Variants in SLC16A6 observed in about 807,000 individuals in gnomAD.
The protein encoded by SLC16A6 is solute carrier family 16 member 6.
A neutral mutation model predicts 33.8 loss-of-function variants in SLC16A6; 15 were observed. The ratio of observed to expected loss-of-function variants is 0.44; its 90% confidence interval spans 0.30 to 0.68. The LOEUF is 0.68. SLC16A6 is among the 30% of genes least tolerant of loss of function. The pLI is 0.10. For synonymous variants in SLC16A6, 219 were observed against 248.4 expected (o/e 0.88, Z 1.11); for missense variants, 451 against 661.5 (o/e 0.68, Z 3.49).
chr17:68,282,282 C>T (rs1282367789), intron 1 of SLC16A6, among the ~76,000 whole-genome samples: 4 of 151,392 alleles, frequency 2.6e-5, no homozygotes, highest in African/African-American at 9.7e-5. Context: ...CGTTCTCACT[C>T]ATAGGTGGGA....
chr17:68,275,346 T>C (rs2145015060), intron 2 of SLC16A6, among the ~76,000 whole-genome samples: 1 of 152,280 alleles, frequency 6.6e-6, no homozygotes, highest in South Asian at 2.1e-4. Flanking sequence ...AAAAAAGGAT[T>C]CCATTTTTTT....
intron 1 of SLC16A6, among the ~76,000 whole-genome samples, chr17:68,287,526 T>C (rs1375041335): frequency 6.6e-6 from 1 of 152,194 alleles, no homozygotes; most frequent in Non-Finnish European, 1.5e-5. Flanking sequence ...CCTTAGTTTT[T>C]TTAAAAAACT....
Position 68,271,484 on chromosome 17 carries a change from G to C in SLC16A6, c.676C>G (p.Leu226Val), listed in dbSNP as rs1168203877. 1 of 1,614,152 alleles carries C rather than the reference G, an allele frequency of 6.2e-7. No individual in the cohort carries two copies. The highest frequency in any genetic ancestry group is 1.7e-5 in the Admixed American group (1 of 60,026). Residue 226 changes from leucine (L) to valine (V), a missense_variant, in exon 5 of 6, where the codon CTT becomes GTT. By Grantham distance (32) the Leu-to-Val change is conservative (BLOSUM62 1). Coordinates refer to ENST00000580666, the MANE Select transcript of SLC16A6 (RefSeq NM_004694.5). The surrounding 1 kb of genome is among the most constrained non-coding windows in gnomAD (Gnocchi z 5.3). ...GAGGTTCGTGTTTTCTCATTTTCAA[G>C]CATATACTGCGCTTCTTTCCGATTT... ...QENRKEAQYM[L>V]ENEKTRTSID...
In SLC16A6 at chr17:68,271,398, G is replaced by C. The variant is rs782735791; in HGVS notation, c.762C>G (p.His254Gln). The change falls in exon 5 of 6, where the codon CAC becomes CAG. Residue 254 changes from histidine to glutamine, a missense_variant. His to Gln is a conservative substitution (Grantham distance 24). Transcript: ENST00000580666. This position sits in a 1 kb window ranked among gnomAD's most constrained non-coding sequence, Gnocchi z 5.3. Reference protein sequence around the residue: ...LTTSPKNVPTHTNLELEPKAD... With the variant: ...LTTSPKNVPTQTNLELEPKAD... ...CCTTCGGCTCCAGTTCCAGGTTAGT[G>C]TGAGTAGGCACATTTTTAGGTGAGG... is the stretch of plus-strand genomic sequence containing the variant. The C allele has an allele frequency of 1.6e-5, 26 of 1,614,152 alleles. No homozygotes were observed. In the South Asian group the frequency reaches 2.9e-4, roughly 18 times the overall value.
intron 2 of SLC16A6, among the ~76,000 whole-genome samples, chr17:68,275,754 G>C (rs1555750676): frequency 1.3e-5 from 2 of 152,062 alleles, no homozygotes; most frequent in Admixed American, 6.6e-5. Flanking sequence ...GGCCGAAGCA[G>C]GTGGATCACG....
Position 68,272,667 on chromosome 17 carries a change from T to C in SLC16A6, c.477A>G (p.Glu159=). 1 of 1,614,168 alleles carries C rather than the reference T, an allele frequency of 6.2e-7. No homozygotes were observed. Among genetic ancestry groups the C allele is most frequent in the East Asian group, 2.2e-5 (1 of 44,884 alleles). The change falls in exon 4 of 6, where the codon GAA becomes GAG. Residue 159 remains glutamate, a synonymous_variant. Transcript: ENST00000580666. Reference sequence around the variant, plus strand: ...GTGCGAAAGCAAACACAGCGAAACATTCTCCTGTGGAAGCAACTGCAGTGA... The same window carrying C: ...GTGCGAAAGCAAACACAGCGAAACACTCTCCTGTGGAAGCAACTGCAGTGA... ...SIVTAVASTG[E]CFAVFAFAPA...
At chr17:68,281,073 C>T (rs1372326825) in intron 1 of SLC16A6, among the ~76,000 whole-genome samples, 1 of 149,950 alleles carries the variant, frequency 6.7e-6, no homozygotes, top group African/African-American at 2.5e-5. Flanking sequence ...TTGCAGTGAG[C>T]TGAGATCATG....
chr17:68,290,193 G>C (rs2075938835), intron 1 of SLC16A6, among the ~76,000 whole-genome samples: 1 of 152,170 alleles, frequency 6.6e-6, no homozygotes, highest in Non-Finnish European at 1.5e-5. Context: ...CCGGCTTCCA[G>C]GTTGACAAGT....
At chr17:68,270,436 C>A (rs1555748074) in intron 5 of SLC16A6, among the ~76,000 whole-genome samples, 2 of 152,064 alleles carry the variant, frequency 1.3e-5, no homozygotes, top group African/African-American at 4.8e-5. Context: ...TGCCTGTAGT[C>A]CCAGCTACTC....
rs1311473932 is a variant in SLC16A6 at position 68,271,959 on chromosome 17, C to T, written c.506-305G>A. 6.6e-5 allele frequency among the ~76,000 whole-genome samples: 10 copies of T among 152,266 alleles called. 1 individual carries two copies. Among genetic ancestry groups the T allele is most frequent in the Middle Eastern group, 3.4e-3 (1 of 294 alleles). On this transcript the variant is annotated intron_variant, in intron 4 of 5. Transcript: ENST00000580666. This position sits in a 1 kb window ranked among gnomAD's most constrained non-coding sequence, Gnocchi z 5.3. Reference sequence around the variant, plus strand: ...CTGGGACTATAGGCGTGCGCCACCACGACCAGCCAATTTTTGTATTTTTAG... The same window carrying T: ...CTGGGACTATAGGCGTGCGCCACCATGACCAGCCAATTTTTGTATTTTTAG...
At chr17:68,269,923 T>C (rs2075281912) in intron 5 of SLC16A6, among the ~76,000 whole-genome samples, 1 of 152,124 alleles carries the variant, frequency 6.6e-6, no homozygotes, top group South Asian at 2.1e-4. Context: ...TCCGCCCGCC[T>C]CATCCTCCCA....
intron 2 of SLC16A6, among the ~76,000 whole-genome samples, chr17:68,275,024 C>T (rs1424495517): frequency 6.6e-6 from 1 of 152,184 alleles, no homozygotes; most frequent in African/African-American, 2.4e-5. Context: ...AGGTGATCCG[C>T]CCACCTCGGC....
Position 68,272,580 on chromosome 17 carries a change from G to C in SLC16A6, c.505+59C>G. The C allele has an allele frequency of 5.0e-6, 8 of 1,588,348 alleles. No individual in the cohort carries two copies. The South Asian group carries it at 7.8e-5, about 16-fold the overall frequency. On this transcript the variant is annotated intron_variant, in intron 4 of 5. Transcript: ENST00000580666. Reference sequence around the variant, plus strand: ...CTGTTGGCAAAAGTTAGCGTAGCAAGAATACCTGAGTGACGTCTCTCATCC... The same window carrying C: ...CTGTTGGCAAAAGTTAGCGTAGCAACAATACCTGAGTGACGTCTCTCATCC...
rs1568412144 is a variant in SLC16A6, at chr17:68,278,270, T to G, written c.51A>C (p.Glu17Asp). ...KLCSKANVYT[E>D]VPDGGWGWAV... ...CCCAGCCCCATCCTCCATCAGGCAC[T>G]TCAGTATACACATTGGCTTTGGAAC... Residue 17 changes from glutamate (E) to aspartate (D), a missense_variant, in exon 2 of 6, where the codon GAA (glutamate) becomes GAC (aspartate). Physicochemically the swap from Glu to Asp is conservative, Grantham distance 45 (BLOSUM62 2). Around this residue, in one of 2 missense-constraint regions of SLC16A6, gnomAD observed 405 missense variants for 510.7 expected, o/e 0.79. Transcript: ENST00000580666. 7 of 1,614,190 alleles carry G rather than the reference T, an allele frequency of 4.3e-6. No homozygotes were observed. Among genetic ancestry groups the G allele is most frequent in the Non-Finnish European group, 5.9e-6 (7 of 1,180,018 alleles).
intron 2 of SLC16A6, among the ~76,000 whole-genome samples, chr17:68,277,631 T>C (rs1426831818): frequency 1.3e-5 from 2 of 152,174 alleles, no homozygotes; most frequent in Non-Finnish European, 2.9e-5. Flanking sequence ...GGTTTCGCCA[T>C]GTTGGCCAGC....
intron 1 of SLC16A6, among the ~76,000 whole-genome samples, chr17:68,283,387 G>T (rs1386199482): frequency 6.6e-6 from 1 of 152,134 alleles, no homozygotes; most frequent in Non-Finnish European, 1.5e-5. Context: ...CAGGCGTGGT[G>T]GCGGGCGCCT....
At chr17:68,278,481 GCT>G in intron 1 of SLC16A6, 154 bp from the exon 2 acceptor site, 1 of 599,964 alleles carries the variant, frequency 1.7e-6, no homozygotes, top group Non-Finnish European at 2.9e-6. Flanking sequence ...ATGGAGTCTT[GCT>G]CTGTCATCCA....
At chr17:68,287,583 C>T (rs1244422829) in intron 1 of SLC16A6, among the ~76,000 whole-genome samples, 5 of 152,162 alleles carry the variant, frequency 3.3e-5, no homozygotes, top group African/African-American at 9.7e-5. Flanking sequence ...CCACATATAA[C>T]TTTCACCTGC....
chr17:68,280,370 C>A (rs1375622360), intron 1 of SLC16A6, among the ~76,000 whole-genome samples: 2 of 151,992 alleles, frequency 1.3e-5, no homozygotes, highest in Non-Finnish European at 2.9e-5. Context: ...GGAGGCATCA[C>A]ACTAACAGAC....
Sources: gnomAD v4.1 joint callset for allele counts (sites outside exome capture counted in the v4.1 genomes callset) on GRCh38, gnomAD v4.1.1 for gene constraint, gnomAD v4.1.1 regional missense constraint, Gnocchi (gnomAD v3.1) non-coding constraint, MANE v1.5 for transcripts, NCBI Gene and HGNC (gene_info 2026-07-23, HGNC 2026-07-21) for gene names.